MACROD2: variants seen among roughly 807,000 people sequenced by gnomAD.
The protein encoded by MACROD2 is mono-ADP ribosylhydrolase 2.
Under a neutral mutation model 70.4 loss-of-function variants are expected in MACROD2, and 36 were observed. That is an observed-to-expected ratio of 0.51 (90% CI 0.39 to 0.68). The LOEUF (loss-of-function observed/expected upper bound fraction) is 0.68, where lower values mean the gene tolerates loss of function less well. MACROD2 is among the 30% of genes least tolerant of loss of function. MACROD2 has a pLI of 0.00. For missense variants in MACROD2, 496 were observed against 538.4 expected (o/e 0.92, Z 0.78); for synonymous variants, 172 against 178.8 (o/e 0.96, Z 0.30).
intron 8 of MACROD2, among the ~76,000 whole-genome samples, chr20:15,740,950 C>G (rs995238186): frequency 6.6e-6 from 1 of 152,070 alleles, no homozygotes; most frequent in Non-Finnish European, 1.5e-5. Flanking sequence ...CTCCTTTCAA[C>G]CCAGTAGTGA....
chr20:14,582,497 C>T (rs1981099950), intron 4 of MACROD2, among the ~76,000 whole-genome samples: 1 of 152,098 alleles, frequency 6.6e-6, no homozygotes, highest in Non-Finnish European at 1.5e-5. Flanking sequence ...CGAACATTCA[C>T]TCCAAACTGT....
At chr20:15,548,896 G>A (rs2048059683) in intron 8 of MACROD2, among the ~76,000 whole-genome samples, 1 of 152,296 alleles carries the variant, frequency 6.6e-6, no homozygotes, top group East Asian at 1.9e-4. Context: ...GTCCAGCTGA[G>A]CTCCCAGCCA....
rs140826324 is a variant in MACROD2 at position 14,855,486 on chromosome 20, A to C, written c.418+170527A>C. On this transcript the variant is annotated intron_variant, in intron 5 of 17. Transcript: ENST00000684519. The stretch of plus-strand genomic sequence containing the variant: ...CTGACAGCATCATAATTTTCCACTG[A>C]ATCTGTCCAAACAGTATTATACTCA... 6.0e-3 allele frequency among the ~76,000 whole-genome samples: 909 copies of C among 152,132 alleles called. 2 individuals carry two copies. The highest frequency in any genetic ancestry group is 8.5e-3 in the Non-Finnish European group (577 of 67,998).
chr20:15,427,530 T>TA (rs11484364), intron 6 of MACROD2, among the ~76,000 whole-genome samples: 99,226 of 151,928 alleles, frequency 0.65, 33,219 homozygotes, highest in African/African-American at 0.77. Context: ...GGAGTGCCCT[T>TA]AATCAATACC....
At chr20:14,298,894 A>G (rs2082450825) in intron 3 of MACROD2, among the ~76,000 whole-genome samples, 1 of 152,250 alleles carries the variant, frequency 6.6e-6, no homozygotes, top group Non-Finnish European at 1.5e-5. Context: ...TAATATTATG[A>G]TAAAACGTAC....
intron 3 of MACROD2, among the ~76,000 whole-genome samples, chr20:14,134,176 A>G (rs7273854): frequency 0.057 from 8,699 of 152,220 alleles, 296 homozygotes; most frequent in African/African-American, 0.097. Flanking sequence ...TCACCATTTA[A>G]TATGAAGTTT....
intron 8 of MACROD2, among the ~76,000 whole-genome samples, chr20:15,862,465 A>G (rs1225120620): frequency 6.6e-6 from 1 of 152,114 alleles, no homozygotes; most frequent in Non-Finnish European, 1.5e-5. Context: ...CTTGCTGCAA[A>G]GTGGCTTATT....
intron 6 of MACROD2, among the ~76,000 whole-genome samples, chr20:15,273,718 C>T (rs1428495131): frequency 6.6e-6 from 1 of 152,096 alleles, no homozygotes; most frequent in East Asian, 1.9e-4. Context: ...TTGGCTCTGG[C>T]AATTTGGGTG....
chr20:14,148,903 T>C (rs2054976226), intron 3 of MACROD2, among the ~76,000 whole-genome samples: 4 of 152,012 alleles, frequency 2.6e-5, no homozygotes, highest in Admixed American at 2.6e-4. Context: ...TGATCTCTTC[T>C]CTCCCCTTCC....
At chr20:16,010,969 G>A (rs755056668) in intron 15 of MACROD2, among the ~76,000 whole-genome samples, 1 of 152,164 alleles carries the variant, frequency 6.6e-6, no homozygotes, top group Non-Finnish European at 1.5e-5. Context: ...CATTTCAAAT[G>A]TGTGACAGGC....
Position 15,751,627 on chromosome 20 carries a change from C to T in MACROD2, c.646-111118C>T, listed in dbSNP as rs950649099. Among the ~76,000 whole-genome samples, 13 of 151,986 alleles carry T rather than the reference C, an allele frequency of 8.6e-5. No individual in the cohort carries two copies. The East Asian group carries it at 2.5e-3, about 30-fold the overall frequency. Reference sequence around the variant, plus strand: ...GTCTCTAGGATTTACCACTTTGGCACGTTAGTTATATTGTTTGAGCATAAA... The same window carrying T: ...GTCTCTAGGATTTACCACTTTGGCATGTTAGTTATATTGTTTGAGCATAAA... On this transcript the variant is annotated intron_variant, in intron 8 of 17. Transcript: ENST00000684519.
intron 6 of MACROD2, among the ~76,000 whole-genome samples, chr20:15,338,909 A>G (rs1336731990): frequency 6.6e-6 from 1 of 151,814 alleles, no homozygotes; most frequent in African/African-American, 2.4e-5. Context: ...GATGTTCACA[A>G]TTTAGATGAT....
At chr20:15,785,461 C>T (rs918452703) in intron 8 of MACROD2, among the ~76,000 whole-genome samples, 1 of 152,118 alleles carries the variant, frequency 6.6e-6, no homozygotes, top group Non-Finnish European at 1.5e-5. Context: ...GAATTCTTTA[C>T]ATCGAGTTGT....
At chr20:14,336,219 CAT>C (rs1449982335) in intron 3 of MACROD2, among the ~76,000 whole-genome samples, 6 of 151,626 alleles carry the variant, frequency 4.0e-5, no homozygotes, top group African/African-American at 1.2e-4. Context: ...AATAAAATAA[CAT>C]AGATGAGCAT....
At chr20:15,623,018 A>T (rs1008040580) in intron 8 of MACROD2, among the ~76,000 whole-genome samples, 2 of 152,204 alleles carry the variant, frequency 1.3e-5, no homozygotes, top group African/African-American at 4.8e-5. Context: ...CAATGCGTTA[A>T]TTCTGGAAAA....
rs1056098301 is a variant in MACROD2 at position 15,039,403 on chromosome 20, G to T, written c.419-190537G>T. ...TTTTCTAGGTTTTATGGCTTTCTTT[G>T]GGGAAGAGGAGTTGTAGTTTCTATG... On this transcript the variant is annotated intron_variant, in intron 5 of 17. Coordinates refer to ENST00000684519, the MANE Select transcript of MACROD2 (RefSeq NM_001351661.2). Among the ~76,000 whole-genome samples, 3 of 152,192 alleles carry T rather than the reference G, an allele frequency of 2.0e-5. No homozygotes were observed. In the East Asian group the frequency reaches 5.8e-4, roughly 29 times the overall value.
At chr20:14,305,507 T>G (rs1374468964) in intron 3 of MACROD2, among the ~76,000 whole-genome samples, 1 of 152,114 alleles carries the variant, frequency 6.6e-6, no homozygotes, top group Non-Finnish European at 1.5e-5. Flanking sequence ...CCCAAGGAAC[T>G]AAAACATTTT....
At chr20:15,710,194 C>CAAAAAA (rs67656339) in intron 8 of MACROD2, among the ~76,000 whole-genome samples, 12 of 102,648 alleles carry the variant, frequency 1.2e-4, no homozygotes, top group East Asian at 3.0e-4. Flanking sequence ...ATCAAAAAGA[C>CAAAAAA]AAAAAAAAAA....
At chr20:15,768,817 G>A (rs561484439) in intron 8 of MACROD2, among the ~76,000 whole-genome samples, 3 of 152,010 alleles carry the variant, frequency 2.0e-5, no homozygotes, top group East Asian at 3.9e-4. Context: ...TTTCATGTAT[G>A]TATTTATTTT....
Sources: gnomAD v4.1 joint callset for allele counts (sites outside exome capture counted in the v4.1 genomes callset) on GRCh38, gnomAD v4.1.1 for gene constraint, MANE v1.5 for transcripts, NCBI Gene and HGNC (gene_info 2026-07-23, HGNC 2026-07-21) for gene names.